CTIF: variants seen among roughly 807,000 people sequenced by gnomAD.
CTIF encodes CBP80/20-dependent translation initiation factor.
Under a neutral mutation model 66.0 loss-of-function variants are expected in CTIF, and 21 were observed. The ratio of observed to expected loss-of-function variants is 0.32; its 90% CI spans 0.23 to 0.46. CTIF has a LOEUF of 0.46. CTIF is among the 20% of genes least tolerant of loss of function. The pLI is 1.00. For missense variants in CTIF, 739 were observed against 812.7 expected, an observed-to-expected ratio of 0.91 and a Z score of 1.10; for synonymous variants, 345 against 326.4, an observed-to-expected ratio of 1.06 and a Z score of -0.62.
At chr18:48,594,125 C>T (rs1464981771) in intron 1 of CTIF, among the ~76,000 whole-genome samples, 2 of 150,550 alleles carry the variant, frequency 1.3e-5, no homozygotes, top group Non-Finnish European at 3.0e-5. Flanking sequence ...TCTTTGGTGT[C>T]GTGAACTGTG....
intron 1 of CTIF, among the ~76,000 whole-genome samples, chr18:48,616,246 TCTC>T (rs1050141953): frequency 5.3e-5 from 8 of 152,210 alleles, no homozygotes; most frequent in Admixed American, 1.3e-4. Context: ...TGTATTGACT[TCTC>T]CTGCAGGTGG....
intron 1 of CTIF, among the ~76,000 whole-genome samples, chr18:48,600,849 T>C (rs2090077532): frequency 6.6e-6 from 1 of 152,170 alleles, no homozygotes; most frequent in African/African-American, 2.4e-5. Context: ...CAGCCAGCCC[T>C]GAGTAGCCTC....
In CTIF at chr18:48,664,747, C is replaced by T. The variant is rs1284683036; in HGVS notation, c.431+196C>T. ...CCTCCATTTCCCTCTGCCCAGCCCC[C>T]TCTAGCCATGCCATCCCCACCTGCT... On this transcript the variant is annotated intron_variant, in intron 5 of 11. Coordinates refer to ENST00000256413, the MANE Select transcript of CTIF (RefSeq NM_014772.3). Among the ~76,000 whole-genome samples the T allele has an allele frequency of 5.3e-5, 8 of 152,214 alleles. No homozygotes were observed. In the East Asian group the frequency reaches 1.6e-3, roughly 30 times the overall value.
chr18:48,840,091 C>G (rs979622438), intron 10 of CTIF, among the ~76,000 whole-genome samples: 9 of 152,168 alleles, frequency 5.9e-5, no homozygotes, highest in African/African-American at 2.2e-4. Context: ...CAGAGAAGAT[C>G]AGGGAAGGCT....
chr18:48,662,720 C>T (rs2091367643), intron 3 of CTIF: 1 of 152,012 alleles, frequency 6.6e-6, no homozygotes, highest in Non-Finnish European at 1.5e-5. Context: ...AGTTCTTTCA[C>T]TATACATTCG....
intron 10 of CTIF, among the ~76,000 whole-genome samples, chr18:48,843,391 G>T (rs539866081): frequency 6.6e-6 from 1 of 152,262 alleles, no homozygotes; most frequent in Admixed American, 6.5e-5. Context: ...CCTGCGGAGT[G>T]GGGAGGGCTT....
rs2069491061 is a variant in CTIF, at chr18:48,862,373, C to A, written c.*2814C>A. On this transcript the variant is annotated 3_prime_UTR_variant, in exon 12 of 12. Transcript: ENST00000256413. ...CTGTCTCAGTCTCCCCACTGCCTGT[C>A]AGGATGAGTTAGTCATTGTTTTTCT... 1 of 152,534 alleles carries A rather than the reference C, an allele frequency of 6.6e-6. No homozygotes were observed. Among genetic ancestry groups the A allele is most frequent in the Non-Finnish European group, 1.5e-5 (1 of 68,054 alleles). 9.4% of individuals were successfully genotyped at this position (152,534 alleles called of 1,614,324 possible).
At chr18:48,666,948 C>A (rs1478388541) in intron 5 of CTIF, among the ~76,000 whole-genome samples, 2 of 152,164 alleles carry the variant, frequency 1.3e-5, no homozygotes, top group Non-Finnish European at 2.9e-5. Context: ...GCCCAGTGTC[C>A]TGTTGCAACA....
chr18:48,785,540 G>A (rs1194693498), intron 9 of CTIF, among the ~76,000 whole-genome samples: 1 of 151,862 alleles, frequency 6.6e-6, no homozygotes, highest in Non-Finnish European at 1.5e-5. Context: ...TGAAATGGGC[G>A]GAAGAGCTGG....
At chr18:48,629,234 C>T (rs191482581) in intron 2 of CTIF, among the ~76,000 whole-genome samples, 1 of 152,318 alleles carries the variant, frequency 6.6e-6, no homozygotes, top group Non-Finnish European at 1.5e-5. Context: ...CCCCCAAAAT[C>T]CCCCCTGGGT....
At chr18:48,747,900 G>C (rs1019209683) in intron 7 of CTIF, among the ~76,000 whole-genome samples, 3 of 151,376 alleles carry the variant, frequency 2.0e-5, no homozygotes, top group African/African-American at 7.3e-5. Flanking sequence ...CTGGGTAACA[G>C]AGCAAAAACC....
intron 10 of CTIF, among the ~76,000 whole-genome samples, chr18:48,823,994 A>G (rs1276423736): frequency 7.0e-6 from 1 of 142,440 alleles, no homozygotes; most frequent in African/African-American, 2.5e-5. Context: ...ACACACACAC[A>G]CACACACACA....
chr18:48,761,624 G>A lies in CTIF; in HGVS notation c.1306G>A (p.Asp436Asn), dbSNP rs771103149. Residue 436 changes from aspartate (D) to asparagine (N), a missense_variant, in exon 9 of 12, where the codon GAC (aspartate) becomes AAC (asparagine). Asp to Asn is a conservative substitution (Grantham distance 23, BLOSUM62 1). This residue lies in a region of CTIF where 210 missense variants were observed against 292.3 expected (regional missense o/e 0.72). Coordinates refer to ENST00000256413, the MANE Select transcript of CTIF (RefSeq NM_014772.3). The surrounding 1 kb of genome is among the most constrained non-coding windows in gnomAD (Gnocchi z 4.2). ...CGCCTTCACCGCTGCCAAGCTCTGCGACAAGATGGCGCTCTTTATGGTGGA... is the reference window on the plus strand; with the variant it reads ...CGCCTTCACCGCTGCCAAGCTCTGCAACAAGATGGCGCTCTTTATGGTGGA... ...SFAFTAAKLCDKMALFMVEGT... is the reference protein window; with the variant it reads ...SFAFTAAKLCNKMALFMVEGT... 8.7e-6 allele frequency: 14 copies of A among 1,614,048 alleles called. No homozygotes were observed. The highest frequency in any genetic ancestry group is 2.2e-5 in the South Asian group (2 of 91,084).
intron 9 of CTIF, among the ~76,000 whole-genome samples, chr18:48,763,900 G>C (rs1909254746): frequency 6.6e-6 from 1 of 152,066 alleles, no homozygotes; most frequent in Admixed American, 6.6e-5. Context: ...CCCATATAGT[G>C]GCTCCATAGT....
intron 1 of CTIF, among the ~76,000 whole-genome samples, chr18:48,576,066 T>C (rs965424967): frequency 1.3e-5 from 2 of 152,242 alleles, no homozygotes; most frequent in Non-Finnish European, 2.9e-5. Flanking sequence ...TTGTGGATTG[T>C]CCCTCCCGGT....
At chr18:48,653,007 C>T (rs2091184381) in intron 3 of CTIF, among the ~76,000 whole-genome samples, 1 of 152,134 alleles carries the variant, frequency 6.6e-6, no homozygotes, top group African/African-American at 2.4e-5. Context: ...CTATGACAAA[C>T]CCACAGCCAA....
At chr18:48,548,686 AC>A (rs1206450017) in intron 1 of CTIF, among the ~76,000 whole-genome samples, 1 of 152,228 alleles carries the variant, frequency 6.6e-6, no homozygotes, top group Non-Finnish European at 1.5e-5. Context: ...CCGAGAAAGC[AC>A]CCAGTTTCTC....
At chr18:48,593,133 G>A (rs2089922025) in intron 1 of CTIF, among the ~76,000 whole-genome samples, 1 of 152,242 alleles carries the variant, frequency 6.6e-6, no homozygotes, top group Non-Finnish European at 1.5e-5. Flanking sequence ...TCAAGGTGCA[G>A]GAGGAAGCTC....
Position 48,761,379 on chromosome 18 carries a change from G to T in CTIF, c.1072-11G>T, listed in dbSNP as rs375114552. The T allele has an allele frequency of 1.4e-5, 23 of 1,609,364 alleles. No homozygotes were observed. In the Admixed American group the frequency reaches 3.8e-4, roughly 27 times the overall value. ...CACTCAGGCACATTCATTTGTCTCC[G>T]ACACCCCCAGGATGAAGTGGCCGTG... On this transcript the variant is annotated splice_polypyrimidine_tract_variant and intron_variant, in intron 8 of 11. Transcript: ENST00000256413. The surrounding 1 kb of genome is among the most constrained non-coding windows in gnomAD (Gnocchi z 4.2).
Sources: allele counts gnomAD v4.1 joint callset (sites outside exome capture counted in the v4.1 genomes callset), GRCh38; gene constraint gnomAD v4.1.1; regional missense constraint gnomAD v4.1.1; non-coding constraint Gnocchi (gnomAD v3.1); transcripts MANE v1.5; gene names NCBI Gene and HGNC (gene_info 2026-07-23, HGNC 2026-07-21).